The following ARMC2 variants were observed in gnomAD, a reference collection of about 807,000 sequenced individuals.
ARMC2 encodes armadillo repeat-containing protein 2.
In ARMC2, 67 loss-of-function variants were observed where a neutral mutation model predicts 90.3. The ratio of observed to expected loss-of-function variants is 0.74; its 90% CI spans 0.61 to 0.91. ARMC2 has a LOEUF of 0.91. Among genes scored for constraint, ARMC2 ranks in the 40% least tolerant of loss-of-function variants. ARMC2 has a pLI of 0.00. For missense variants in ARMC2, 920 were observed against 1,030.9 expected (o/e 0.89, Z 1.47); for synonymous variants, 393 against 393.0 (o/e 1.00, Z 0.00).
At chr6:108,968,057 A>G (rs985885429) in intron 17 of ARMC2, among the ~76,000 whole-genome samples, 2 of 152,140 alleles carry the variant, frequency 1.3e-5, no homozygotes, top group African/African-American at 4.8e-5. Flanking sequence ...TGTGAGTTTT[A>G]TCTTATTTCC....
the ARMC2 span, among the ~76,000 whole-genome samples, chr6:109,036,204 C>T: frequency 6.6e-6 from 1 of 152,138 alleles, no homozygotes; most frequent in Non-Finnish European, 1.5e-5. Flanking sequence ...TAGTTTTTTT[C>T]ATAGAAACAT....
At chr6:108,969,163 C>T (rs1399020169) in intron 17 of ARMC2, among the ~76,000 whole-genome samples, 1 of 152,148 alleles carries the variant, frequency 6.6e-6, no homozygotes, top group Non-Finnish European at 1.5e-5. Context: ...AAGGGTAGAG[C>T]GGGGCCCCAC....
chr6:108,940,858 GT>G (rs1776378076), intron 12 of ARMC2, among the ~76,000 whole-genome samples: 1 of 152,184 alleles, frequency 6.6e-6, no homozygotes, highest in Non-Finnish European at 1.5e-5. Context: ...TAAGCCAGGC[GT>G]GGTGGTGCAA....
chr6:108,919,248 T>TCATAACGTAGTTTTTAA (rs1330204416), intron 10 of ARMC2, among the ~76,000 whole-genome samples: 1 of 152,238 alleles, frequency 6.6e-6, no homozygotes, highest in Non-Finnish European at 1.5e-5. Flanking sequence ...TAGTTATGTT[T>TCATAACGTAGTTTTTAA]CATAGTTTTT....
intron 5 of ARMC2, among the ~76,000 whole-genome samples, chr6:108,882,745 T>C (rs923121462): frequency 2.6e-5 from 4 of 152,134 alleles, no homozygotes; most frequent in African/African-American, 9.7e-5. Context: ...AAGATAATTA[T>C]CTTCCTTCAC....
At chr6:108,921,062 G>A (rs116316594) in intron 10 of ARMC2, among the ~76,000 whole-genome samples, 1 of 152,184 alleles carries the variant, frequency 6.6e-6, no homozygotes, top group Non-Finnish European at 1.5e-5. Flanking sequence ...GTGGCAGTAA[G>A]GAAATGTCAC....
At chr6:108,998,850 C>A in the ARMC2 span, 9 of 1,382,484 alleles carry the variant, frequency 6.5e-6, no homozygotes, top group South Asian at 1.3e-4. Flanking sequence ...AAACATGAGT[C>A]ATCATACAAA....
the ARMC2 span, among the ~76,000 whole-genome samples, chr6:109,039,813 G>C: frequency 6.6e-6 from 1 of 152,192 alleles, no homozygotes; most frequent in African/African-American, 2.4e-5. Flanking sequence ...GTCTTAACTA[G>C]AGTCTTGTTC....
At chr6:108,925,520 T>C (rs1383080577) in intron 10 of ARMC2, among the ~76,000 whole-genome samples, 1 of 152,166 alleles carries the variant, frequency 6.6e-6, no homozygotes, top group Non-Finnish European at 1.5e-5. Flanking sequence ...TTAAGTAGAG[T>C]TTATGGGGGC....
the ARMC2 span, among the ~76,000 whole-genome samples, chr6:109,024,981 A>G: frequency 0.1 from 15,219 of 152,214 alleles, 921 homozygotes; most frequent in Middle Eastern, 0.19. Context: ...ACCCACCGAC[A>G]GGAGGAGTCT....
rs1445517031 is a variant in ARMC2, at chr6:108,885,957, C to T, written c.672-8510C>T. ...CCTATTGTCCATGGCCATCTTCACACTGCAGCAAGAATTGAGTACTTATGA... is the reference window on the plus strand; with the variant it reads ...CCTATTGTCCATGGCCATCTTCACATTGCAGCAAGAATTGAGTACTTATGA... On this transcript the variant is annotated intron_variant, in intron 5 of 17. Transcript: ENST00000392644. Among the ~76,000 whole-genome samples, 4 of 152,236 alleles carry T rather than the reference C, an allele frequency of 2.6e-5. No homozygotes were observed. The South Asian group carries it at 8.3e-4, about 31-fold the overall frequency.
the ARMC2 span, among the ~76,000 whole-genome samples, chr6:109,016,713 T>G: frequency 4.6e-5 from 7 of 152,176 alleles, no homozygotes; most frequent in African/African-American, 1.7e-4. Flanking sequence ...TGCTTATCCA[T>G]TCTAGCTTTC....
chr6:109,029,680 C>G, the ARMC2 span, among the ~76,000 whole-genome samples: 1 of 152,098 alleles, frequency 6.6e-6, no homozygotes, highest in South Asian at 2.1e-4. Flanking sequence ...TTAACAGGTG[C>G]ATGCCACCAC....
chr6:108,859,221 T>G (rs1219116003), intron 3 of ARMC2, among the ~76,000 whole-genome samples: 2 of 152,126 alleles, frequency 1.3e-5, no homozygotes, highest in Non-Finnish European at 2.9e-5. Flanking sequence ...TTCTATGGAT[T>G]TACCTCCTTG....
chr6:108,985,847 T>C, the ARMC2 span, among the ~76,000 whole-genome samples: 2 of 152,196 alleles, frequency 1.3e-5, no homozygotes, highest in African/African-American at 4.8e-5. Flanking sequence ...CAATGAGTAA[T>C]GCACTTATAA....
chr6:108,870,584 GGAAA>G (rs1776294931), intron 4 of ARMC2, among the ~76,000 whole-genome samples: 2 of 150,466 alleles, frequency 1.3e-5, no homozygotes, highest in South Asian at 2.1e-4. Context: ...AAGGAGGAAA[GGAAA>G]GAAAAAAGGA....
At chr6:108,960,766 G>A (rs539598850) in intron 13 of ARMC2, among the ~76,000 whole-genome samples, 98 of 152,308 alleles carry the variant, frequency 6.4e-4, no homozygotes, top group African/African-American at 2.2e-3. Flanking sequence ...TGACTAACTG[G>A]GAGGACAGTA....
chr6:108,956,822 T>A (rs1777620515), intron 13 of ARMC2, among the ~76,000 whole-genome samples: 1 of 152,002 alleles, frequency 6.6e-6, no homozygotes, highest in Non-Finnish European at 1.5e-5. Flanking sequence ...CAAAACCCCA[T>A]CTCTACTAAA....
At chr6:108,923,500 T>A (rs894755381) in intron 10 of ARMC2, among the ~76,000 whole-genome samples, 2 of 152,048 alleles carry the variant, frequency 1.3e-5, no homozygotes, top group Non-Finnish European at 2.9e-5. Context: ...TTCTTTTTTT[T>A]AATTTTCACT....
Sources: gnomAD v4.1 joint callset for allele counts (sites outside exome capture counted in the v4.1 genomes callset) on GRCh38, gnomAD v4.1.1 for gene constraint, MANE v1.5 for transcripts, NCBI Gene and HGNC (gene_info 2026-07-23, HGNC 2026-07-21) for gene names.